NECTIN3: variants seen among roughly 807,000 people sequenced by gnomAD.
The protein encoded by NECTIN3 is nectin cell adhesion molecule 3.
Under a neutral mutation model 49.4 loss-of-function variants are expected in NECTIN3, and 8 were observed. The ratio of observed to expected loss-of-function variants is 0.16; its 90% CI spans 0.10 to 0.29. NECTIN3 has a LOEUF of 0.29. Among genes scored for constraint, NECTIN3 ranks in the 10% least tolerant of loss-of-function variants. The pLI, the probability that NECTIN3 is intolerant of heterozygous loss-of-function variation, is 1.00. For synonymous variants in NECTIN3, 277 were observed against 241.1 expected, an observed-to-expected ratio of 1.15 and a Z score of -1.38; for missense variants, 581 against 654.6, an observed-to-expected ratio of 0.89 and a Z score of 1.23.
At chr3:111,152,468 A>G (rs761490002) in intron 7 of NECTIN3, among the ~76,000 whole-genome samples, 35 of 151,916 alleles carry the variant, frequency 2.3e-4, no homozygotes, top group Non-Finnish European at 3.5e-4. Flanking sequence ...TAATTTTGCA[A>G]TCTTTTGGTG....
chr3:111,179,208 CT>C (rs2035584995), intron 7 of NECTIN3, among the ~76,000 whole-genome samples: 1 of 152,100 alleles, frequency 6.6e-6, no homozygotes, highest in African/African-American at 2.4e-5. Context: ...CTCCTCCAGT[CT>C]ATCTAAGTCC....
chr3:111,111,882 C>A, intron 1 of NECTIN3, 148 bp from the exon 2 acceptor site: 1 of 571,716 alleles, frequency 1.7e-6, no homozygotes, highest in Non-Finnish European at 3.1e-6. Context: ...CGTGTGAGTG[C>A]ATGTGTGTGT....
intron 2 of NECTIN3, among the ~76,000 whole-genome samples, chr3:111,116,806 A>G (rs2033706403): frequency 6.6e-6 from 1 of 152,136 alleles, no homozygotes; most frequent in Non-Finnish European, 1.5e-5. Context: ...ATACCATTAC[A>G]TACCTATCAG....
At chr3:111,190,489 G>C (rs979343587), upstream of NECTIN3, among the ~76,000 whole-genome samples, 1 of 152,174 alleles carries the variant, frequency 6.6e-6, no homozygotes, top group Non-Finnish European at 1.5e-5. Context: ...ACAAACAACA[G>C]AAATGTATTT....
At chr3:111,129,373 TTGTC>T (rs1427836070) in intron 5 of NECTIN3, among the ~76,000 whole-genome samples, 3 of 152,184 alleles carry the variant, frequency 2.0e-5, no homozygotes, top group African/African-American at 7.2e-5. Flanking sequence ...TTTTATATGC[TTGTC>T]TGTTTTTACC....
chr3:111,078,665 CTT>C (rs777718889), intron 1 of NECTIN3, among the ~76,000 whole-genome samples: 7 of 152,106 alleles, frequency 4.6e-5, no homozygotes, highest in Non-Finnish European at 1.0e-4. Context: ...GATTTGTACT[CTT>C]GATGATTAGA....
intron 1 of NECTIN3, among the ~76,000 whole-genome samples, chr3:111,193,843 C>T (rs552161405): frequency 6.6e-6 from 1 of 152,304 alleles, no homozygotes; most frequent in South Asian, 2.1e-4. Flanking sequence ...ATTTCCCTGA[C>T]ATGCTTAATA....
At chr3:111,177,295 C>T (rs772588108) in intron 7 of NECTIN3, among the ~76,000 whole-genome samples, 3 of 151,884 alleles carry the variant, frequency 2.0e-5, no homozygotes, top group South Asian at 2.1e-4. Context: ...TTTCTCTAAT[C>T]GATATTTATT....
chr3:111,104,614 C>T (rs2033088256), intron 1 of NECTIN3, among the ~76,000 whole-genome samples: 2 of 151,882 alleles, frequency 1.3e-5, no homozygotes, highest in South Asian at 4.1e-4. Context: ...AGCCACTGCA[C>T]CCGACCTCTT....
intron 4 of NECTIN3, among the ~76,000 whole-genome samples, chr3:111,124,349 CAT>C (rs1455852640): frequency 6.6e-6 from 1 of 152,022 alleles, no homozygotes; most frequent in Admixed American, 6.6e-5. Flanking sequence ...AGTCATGTAA[CAT>C]AGACACAAGG....
At position 111,146,241 on chromosome 3, in the gene NECTIN3, CG is replaced by C. The variant is rs573524485; in HGVS notation, c.1140-1160del. 3.1e-3 allele frequency among the ~76,000 whole-genome samples: 471 copies of C among 151,630 alleles called. 2 individuals carry two copies. Among genetic ancestry groups the C allele is most frequent in the African/African-American group, 0.011 (445 of 41,376 alleles). On this transcript the variant is annotated intron_variant, in intron 6 of 8. Coordinates refer to the NECTIN3 transcript ENST00000493615. ...CGAGGTCAGGAGATCGAGACCATCC[CG>C]GCTAAAACGGTGAAACCCCGTCTCT...
intron 1 of NECTIN3, among the ~76,000 whole-genome samples, chr3:111,080,501 G>A (rs2031524019): frequency 6.6e-6 from 1 of 152,058 alleles, no homozygotes. Flanking sequence ...GGATACTACT[G>A]TTGCTTTGCT....
intron 5 of NECTIN3, chr3:111,144,788 C>T: frequency 8.0e-7 from 1 of 1,248,682 alleles, no homozygotes; most frequent in Non-Finnish European, 1.1e-6. Flanking sequence ...TCTAACCTGG[C>T]TCTTGGATAA....
Position 111,135,898 on chromosome 3 carries a change from C to A in NECTIN3, c.*1683C>A. ...CCCAAAAGTAATACTTATTATAAGG[C>A]TGTAGTATCAGGTTAAGGATACAGA... On this transcript the variant is annotated 3_prime_UTR_variant, in exon 6 of 6. Coordinates refer to ENST00000485303, the MANE Select transcript of NECTIN3 (RefSeq NM_015480.3). 4.9e-6 allele frequency: 4 copies of A among 823,160 alleles called. No homozygotes were observed. Among genetic ancestry groups the A allele is most frequent in the Non-Finnish European group, 5.5e-6 (4 of 726,486 alleles). The allele number at this position is 823,160 out of a possible 1,614,324, so 51.0% of individuals were successfully genotyped here. A position where few individuals can be genotyped will look rare whatever the true frequency, so the allele number is the denominator to read the frequency against.
At chr3:111,126,432 A>G in intron 5 of NECTIN3, 97 bp downstream of exon 5, 4 of 1,044,688 alleles carry the variant, frequency 3.8e-6, no homozygotes, top group Admixed American at 2.9e-5. Context: ...ACTTGTAAAG[A>G]TACAGATTCC....
At chr3:111,094,463 C>G (rs2032470105) in intron 1 of NECTIN3, among the ~76,000 whole-genome samples, 1 of 152,108 alleles carries the variant, frequency 6.6e-6, no homozygotes, top group African/African-American at 2.4e-5. Flanking sequence ...TTGATGCTGT[C>G]TTTCATAAAA....
intron 1 of NECTIN3, among the ~76,000 whole-genome samples, chr3:111,104,058 T>C (rs2033051461): frequency 1.3e-5 from 2 of 152,200 alleles, no homozygotes; most frequent in Admixed American, 1.3e-4. Flanking sequence ...CTGGATCATA[T>C]GGTATGTTTA....
chr3:111,177,699 C>T (rs2035556521), intron 7 of NECTIN3, among the ~76,000 whole-genome samples: 1 of 152,140 alleles, frequency 6.6e-6, no homozygotes, highest in Admixed American at 6.5e-5. Context: ...TAAATAGGTA[C>T]AGCATTAGGG....
At chr3:111,161,985 C>T (rs548004584) in intron 7 of NECTIN3, among the ~76,000 whole-genome samples, 27 of 152,220 alleles carry the variant, frequency 1.8e-4, no homozygotes, top group African/African-American at 6.0e-4. Flanking sequence ...TACATTGAAT[C>T]GAGAATCGCA....
Sources: gnomAD v4.1 joint callset for allele counts (sites outside exome capture counted in the v4.1 genomes callset) on GRCh38, gnomAD v4.1.1 for gene constraint, MANE v1.5 for transcripts, NCBI Gene and HGNC (gene_info 2026-07-23, HGNC 2026-07-21) for gene names.